Variants in PCDHGA7 observed in about 807,000 individuals in gnomAD.
PCDHGA7 encodes the protein protocadherin gamma subfamily A, 7, also known as protocadherin gamma-A7.
A neutral mutation model predicts 58.3 loss-of-function variants in PCDHGA7; 44 were observed. That is an observed-to-expected ratio of 0.75 (90% CI 0.59 to 0.97). The LOEUF (loss-of-function observed/expected upper bound fraction) is 0.97, where lower values mean the gene tolerates loss of function less well. Among genes scored for constraint, PCDHGA7 ranks in the 50% least tolerant of loss-of-function variants. The probability of loss-of-function intolerance (pLI) is 0.00; values close to 1 mark genes in which losing one functional copy is unlikely to be tolerated. For synonymous variants in PCDHGA7, 516 were observed against 504.2 expected, an observed-to-expected ratio of 1.02 and a Z score of -0.31; for missense variants, 1,266 against 1,188.7, an observed-to-expected ratio of 1.06 and a Z score of -0.96.
At chr5:141,405,044 G>T (rs769617162) in intron 1 of PCDHGA7, 160 of 1,613,938 alleles carry the variant, frequency 9.9e-5, no homozygotes, top group Middle Eastern at 1.6e-4. Flanking sequence ...TGTGGCTGTG[G>T]CAGTCGTCTC....
chr5:141,473,905 G>T (rs940750776), intron 1 of PCDHGA7, among the ~76,000 whole-genome samples: 2 of 152,096 alleles, frequency 1.3e-5, no homozygotes, highest in African/African-American at 4.8e-5. Context: ...TCATGAAGAG[G>T]TCTTAAGAAA....
chr5:141,491,855 G>A lies in PCDHGA7; in HGVS notation c.2425-2952G>A. ...TTCTCGGGATCATTGGACCGTTTGC[G>A]CGAAACCAGAGTGGCCGATTAAGGG... On this transcript the variant is annotated intron_variant, in intron 1 of 3. Coordinates refer to ENST00000518325, the MANE Select transcript of PCDHGA7 (RefSeq NM_018920.4). The surrounding 1 kb of genome is among the most constrained non-coding windows in gnomAD (Gnocchi z 6.9). The A allele has an allele frequency of 2.7e-6, 4 of 1,459,380 alleles. No individual in the cohort carries two copies. The highest frequency in any genetic ancestry group is 3.6e-6 in the Non-Finnish European group (4 of 1,103,492). The allele number at this position is 1,459,380 out of a possible 1,614,324, so 90.4% of individuals were successfully genotyped here. A position where few individuals can be genotyped will look rare whatever the true frequency, so the allele number is the denominator to read the frequency against.
intron 1 of PCDHGA7, chr5:141,415,489 C>G: frequency 6.2e-7 from 1 of 1,614,220 alleles, no homozygotes; most frequent in Non-Finnish European, 8.5e-7. Flanking sequence ...AAAGAGTCAC[C>G]TGATCTTCCC....
At position 141,478,875 on chromosome 5, in the gene PCDHGA7, G is replaced by A. The variant is rs913320768; in HGVS notation, c.2425-15932G>A. On this transcript the variant is annotated intron_variant, in intron 1 of 3. Coordinates refer to ENST00000518325, the MANE Select transcript of PCDHGA7 (RefSeq NM_018920.4). ...ACAAGATCTCAGCGATCAGAGTTTA[G>A]CTTGGTATCATTTACATTAGGAATA... The A allele has an allele frequency of 2.4e-6, 3 of 1,273,470 alleles. No homozygotes were observed. The South Asian group carries it at 4.8e-5, about 21-fold the overall frequency. 78.9% of individuals were successfully genotyped at this position (1,273,470 alleles called of 1,614,324 possible).
In PCDHGA7 at chr5:141,432,847, G is replaced by A. The variant is rs768265171; in HGVS notation, c.2424+47524G>A. On this transcript the variant is annotated intron_variant, in intron 1 of 3. Transcript: ENST00000518325. The surrounding 1 kb of genome is among the most constrained non-coding windows in gnomAD (Gnocchi z 6.0). Reference sequence around the variant, plus strand: ...ACCTCACTCTGTACCTGGTGGTAGCGGTGGCCGCGGTCTCCTGCGTCTTCC... The same window carrying A: ...ACCTCACTCTGTACCTGGTGGTAGCAGTGGCCGCGGTCTCCTGCGTCTTCC... 5.0e-6 allele frequency: 8 copies of A among 1,614,180 alleles called. No homozygotes were observed. The highest frequency in any genetic ancestry group is 6.8e-6 in the Non-Finnish European group (8 of 1,179,994).
At position 141,490,155 on chromosome 5, in the gene PCDHGA7, G is replaced by A. The variant is rs753981059; in HGVS notation, c.2425-4652G>A. On this transcript the variant is annotated intron_variant, in intron 1 of 3. Transcript: ENST00000518325. This position sits in a 1 kb window ranked among gnomAD's most constrained non-coding sequence, Gnocchi z 5.4. ...CTAGCAGTGGGGCAATCCATGTGTT[G>A]GGTCCCATAGACTTTGAGGAGTCAC... 2 of 1,614,214 alleles carry A rather than the reference G, an allele frequency of 1.2e-6. No individual in the cohort carries two copies. The highest frequency in any genetic ancestry group is 1.1e-5 in the South Asian group (1 of 91,086).
chr5:141,406,906 C>T (rs1186250719), intron 1 of PCDHGA7, among the ~76,000 whole-genome samples: 1 of 152,048 alleles, frequency 6.6e-6, no homozygotes, highest in Non-Finnish European at 1.5e-5. Flanking sequence ...CTGTTTTTAG[C>T]TATAAGGAAG....
rs766164142 is a variant in PCDHGA7, at chr5:141,477,910, G to A, written c.2425-16897G>A. On this transcript the variant is annotated intron_variant, in intron 1 of 3. Transcript: ENST00000518325. The surrounding 1 kb of genome is among the most constrained non-coding windows in gnomAD (Gnocchi z 4.9). ...TGTCACGGGTGGTAGGCTGGGACGC[G>A]GATGCAGGGCACAATGCCTGGCTCT... 6.2e-7 allele frequency: 1 copy of A among 1,614,166 alleles called. No individual in the cohort carries two copies. Among genetic ancestry groups the A allele is most frequent in the Admixed American group, 1.7e-5 (1 of 60,020 alleles).
chr5:141,399,465 G>C (rs770080703), intron 1 of PCDHGA7: 20 of 1,614,014 alleles, frequency 1.2e-5, no homozygotes, highest in Non-Finnish European at 1.7e-5. Flanking sequence ...ATAACGCTCC[G>C]GTTTTCCACC....
Position 141,475,143 on chromosome 5 carries a change from T to TC in PCDHGA7, c.2425-19662dup, listed in dbSNP as rs372338581. On this transcript the variant is annotated intron_variant, in intron 1 of 3. Transcript: ENST00000518325. ...GGCTTTTTTTCTTTTTGAAATCTTC[T>TC]CCGTCTTCTTCTTCATTAGCAGTGC... Among the ~76,000 whole-genome samples the TC allele has an allele frequency of 4.9e-3, 751 of 152,356 alleles. 5 individuals carry two copies. Among genetic ancestry groups the TC allele is most frequent in the Non-Finnish European group, 6.5e-3 (439 of 68,034 alleles).
chr5:141,414,559 T>C (rs1330713312), intron 1 of PCDHGA7: 2 of 1,613,782 alleles, frequency 1.2e-6, no homozygotes, highest in Non-Finnish European at 1.7e-6. Flanking sequence ...AGTCTCCTAC[T>C]TTACCTATAT....
At position 141,511,563 on chromosome 5, in the gene PCDHGA7, C is replaced by T. The variant is rs911782127; in HGVS notation, c.*390C>T. ...CCCCACTCCAACAGTTCCTCTTTCCCGAGTAAGGTGGTTGGGGTGTTGAAG... is the reference window on the plus strand; with the variant it reads ...CCCCACTCCAACAGTTCCTCTTTCCTGAGTAAGGTGGTTGGGGTGTTGAAG... On this transcript the variant is annotated 3_prime_UTR_variant, in exon 4 of 4. Coordinates refer to ENST00000518325, the MANE Select transcript of PCDHGA7 (RefSeq NM_018920.4). The T allele has an allele frequency of 7.8e-5, 23 of 295,048 alleles. No homozygotes were observed. The highest frequency in any genetic ancestry group is 3.4e-4 in the African/African-American group (16 of 46,532). The allele number at this position is 295,048 out of a possible 1,614,324, so 18.3% of individuals were successfully genotyped here. A position where few individuals can be genotyped will look rare whatever the true frequency, so the allele number is the denominator to read the frequency against.
intron 1 of PCDHGA7, chr5:141,423,496 G>A (rs1049120602): frequency 1.2e-6 from 2 of 1,613,804 alleles, no homozygotes; most frequent in African/African-American, 1.3e-5. Flanking sequence ...CTATTCCCAC[G>A]AGGTCTCTCT....
rs752604165 is a variant in PCDHGA7, at chr5:141,494,771, G to A, written c.2425-36G>A. On this transcript the variant is annotated intron_variant, in intron 1 of 3. Coordinates refer to ENST00000518325, the MANE Select transcript of PCDHGA7 (RefSeq NM_018920.4). ...CTCGGGTGACATTCTAACTTCTCAC[G>A]GGTACTCAGCCCCTTTCCCTCTGTT... 74 of 1,613,730 alleles carry A rather than the reference G, an allele frequency of 4.6e-5. No homozygotes were observed. The East Asian group carries it at 1.6e-3, about 36-fold the overall frequency.
intron 3 of PCDHGA7, 124 bp from the exon 4 acceptor site, chr5:141,510,823 C>A: frequency 6.4e-7 from 1 of 1,562,432 alleles, no homozygotes. Context: ...CCTATATTCC[C>A]AGTGCTCAGC....
chr5:141,495,122 C>T (rs1365586518), intron 2 of PCDHGA7, among the ~76,000 whole-genome samples: 2 of 152,282 alleles, frequency 1.3e-5, no homozygotes, highest in East Asian at 3.9e-4. Flanking sequence ...TTCCTATCCC[C>T]TGAGGGCACT....
At chr5:141,501,013 C>T (rs1456343329) in intron 2 of PCDHGA7, among the ~76,000 whole-genome samples, 2 of 151,970 alleles carry the variant, frequency 1.3e-5, no homozygotes, top group Non-Finnish European at 2.9e-5. Context: ...GGACTACAGG[C>T]ACGCGCCACC....
At position 141,487,063 on chromosome 5, in the gene PCDHGA7, G is replaced by A. The variant is rs754361361; in HGVS notation, c.2425-7744G>A. 39 of 1,614,086 alleles carry A rather than the reference G, an allele frequency of 2.4e-5. No individual in the cohort carries two copies. In the South Asian group the frequency reaches 3.7e-4, roughly 15 times the overall value. The stretch of plus-strand genomic sequence containing the variant: ...CTCGATATGCTGGGGAGGTGCGGAC[G>A]GCTGTTCCTATCCCAGCTGACCTCC... On this transcript the variant is annotated intron_variant, in intron 1 of 3. Transcript: ENST00000518325. The surrounding 1 kb of genome is among the most constrained non-coding windows in gnomAD (Gnocchi z 5.0).
intron 1 of PCDHGA7, chr5:141,427,630 T>C (rs1043983899): frequency 2.8e-6 from 2 of 702,530 alleles, no homozygotes; most frequent in African/African-American, 1.7e-5. Context: ...AATGCTCCGG[T>C]TTTCCACCAA....
Sources: allele counts gnomAD v4.1 joint callset (sites outside exome capture counted in the v4.1 genomes callset), GRCh38; gene constraint gnomAD v4.1.1; non-coding constraint Gnocchi (gnomAD v3.1); transcripts MANE v1.5; gene names NCBI Gene and HGNC (gene_info 2026-07-23, HGNC 2026-07-21).